The following STX8 variants were observed in gnomAD, a reference collection of about 807,000 sequenced individuals.
STX8 encodes the protein syntaxin-8.
Under a neutral mutation model 37.5 loss-of-function variants are expected in STX8, and 23 were observed. That is an observed-to-expected ratio of 0.61 (90% CI 0.44 to 0.87). STX8 has a LOEUF of 0.87. Among genes scored for constraint, STX8 ranks in the 40% least tolerant of loss-of-function variants. The probability of loss-of-function intolerance (pLI) is 0.00; values close to 1 mark genes in which losing one functional copy is unlikely to be tolerated. For synonymous variants in STX8, 115 were observed against 99.1 expected, an observed-to-expected ratio of 1.16 and a Z score of -0.95; for missense variants, 313 against 284.7, an observed-to-expected ratio of 1.10 and a Z score of -0.71.
chr17:9,352,397 T>C (rs1157871515), intron 7 of STX8, among the ~76,000 whole-genome samples: 3 of 151,060 alleles, frequency 2.0e-5, no homozygotes, highest in Non-Finnish European at 4.4e-5. Flanking sequence ...AAGCTGTTTT[T>C]CTAATTTTAT....
At chr17:9,537,680 C>G (rs1049497463) in intron 4 of STX8, among the ~76,000 whole-genome samples, 1 of 152,168 alleles carries the variant, frequency 6.6e-6, no homozygotes, top group South Asian at 2.1e-4. Flanking sequence ...CATGAAGACG[C>G]TCATTCATTG....
intron 7 of STX8, among the ~76,000 whole-genome samples, chr17:9,356,485 C>T (rs1340205533): frequency 6.6e-6 from 1 of 152,156 alleles, no homozygotes; most frequent in Non-Finnish European, 1.5e-5. Flanking sequence ...CTGGTGTCTG[C>T]CAGCTCCACA....
At chr17:9,452,802 TG>T (rs1382893468) in intron 6 of STX8, among the ~76,000 whole-genome samples, 2 of 135,418 alleles carry the variant, frequency 1.5e-5, no homozygotes, top group East Asian at 3.8e-4. Flanking sequence ...GGATGGCCCT[TG>T]TTTTTTTTTC....
At chr17:9,311,678 A>G (rs1488121321) in intron 7 of STX8, among the ~76,000 whole-genome samples, 2 of 152,162 alleles carry the variant, frequency 1.3e-5, no homozygotes, top group Non-Finnish European at 2.9e-5. Flanking sequence ...GCCTTGGGTA[A>G]ATCACTGAAC....
chr17:9,346,953 C>A (rs1001033700), intron 7 of STX8, among the ~76,000 whole-genome samples: 1 of 152,064 alleles, frequency 6.6e-6, no homozygotes, highest in Non-Finnish European at 1.5e-5. Context: ...CATGGAGAAA[C>A]CCCGTCTCTA....
chr17:9,441,955 C>T lies in STX8; in HGVS notation c.541+49874G>A, dbSNP rs1489850304. On this transcript the variant is annotated intron_variant, in intron 6 of 7. Coordinates refer to ENST00000306357, the MANE Select transcript of STX8 (RefSeq NM_004853.3). ...CTCCCAAAGTGCTGGGATTACATAC[C>T]GCGCCTGGCACCATGGCTTTGATTA... Among the ~76,000 whole-genome samples the T allele has an allele frequency of 4.0e-5, 6 of 151,852 alleles. No individual in the cohort carries two copies. The East Asian group carries it at 5.8e-4, about 15-fold the overall frequency.
intron 7 of STX8, among the ~76,000 whole-genome samples, chr17:9,377,555 T>G (rs1911642286): frequency 6.6e-6 from 1 of 152,152 alleles, no homozygotes; most frequent in Admixed American, 6.5e-5. Context: ...ACTGCAACCT[T>G]CAAGCAATTC....
intron 6 of STX8, chr17:9,469,747 C>A (rs560953480): frequency 2.0e-5 from 3 of 152,146 alleles, no homozygotes; most frequent in Admixed American, 2.0e-4. Context: ...TTCACCTTAT[C>A]GTCACCCCTA....
intron 7 of STX8, among the ~76,000 whole-genome samples, chr17:9,304,700 C>G (rs914815124): frequency 1.3e-5 from 2 of 151,902 alleles, no homozygotes; most frequent in Non-Finnish European, 2.9e-5. Context: ...CAAAATCCCA[C>G]AAGCTGAGTG....
intron 7 of STX8, among the ~76,000 whole-genome samples, chr17:9,340,591 G>A (rs1910315024): frequency 6.6e-6 from 1 of 150,976 alleles, no homozygotes; most frequent in African/African-American, 2.4e-5. Flanking sequence ...TATCTTGAAA[G>A]GCAGGCTTTG....
At chr17:9,340,649 A>ATTTTTTTTTTTTTTTTT (rs66679333) in intron 7 of STX8, among the ~76,000 whole-genome samples, 1 of 62,112 alleles carries the variant, frequency 1.6e-5, no homozygotes, top group Non-Finnish European at 2.7e-5. Context: ...GTTGCACTTG[A>ATTTTTTTTTTTTTTTTT]TTTTTTTTTT....
intron 7 of STX8, among the ~76,000 whole-genome samples, chr17:9,375,649 GAT>G (rs377599088): frequency 6.6e-6 from 1 of 152,132 alleles, no homozygotes; most frequent in African/African-American, 2.4e-5. Flanking sequence ...GGTTTTAAGT[GAT>G]ATATATATGT....
intron 4 of STX8, among the ~76,000 whole-genome samples, chr17:9,506,814 G>A (rs1011249505): frequency 6.6e-6 from 1 of 151,990 alleles, no homozygotes; most frequent in Non-Finnish European, 1.5e-5. Flanking sequence ...CCCACTCCAT[G>A]AGCCAAGTTA....
chr17:9,317,771 G>GA (rs201309652), intron 7 of STX8, among the ~76,000 whole-genome samples: 3,515 of 91,910 alleles, frequency 0.038, 116 homozygotes, highest in African/African-American at 0.13. Context: ...CTCAGAAAAA[G>GA]AAAAAAAAAA....
intron 3 of STX8, 36 bp from the exon 4 acceptor site, chr17:9,545,318 A>C (rs1906459408): frequency 6.8e-7 from 1 of 1,465,868 alleles, no homozygotes; most frequent in Non-Finnish European, 9.5e-7. Flanking sequence ...TGGTGAATAA[A>C]TGACCTCGTT....
intron 6 of STX8, among the ~76,000 whole-genome samples, chr17:9,415,463 A>G (rs1206039490): frequency 2.0e-5 from 3 of 152,042 alleles, no homozygotes; most frequent in Non-Finnish European, 2.9e-5. Flanking sequence ...ACCCTGGGAC[A>G]TGACTGTTAC....
intron 7 of STX8, among the ~76,000 whole-genome samples, chr17:9,351,176 C>CT (rs71135970): frequency 0.093 from 9,302 of 99,886 alleles, 724 homozygotes; most frequent in Non-Finnish European, 0.11. Flanking sequence ...ATTTCCTTGT[C>CT]TTTTTTTTTT....
In STX8 at chr17:9,415,949, G is replaced by A. The variant is rs114854362; in HGVS notation, c.542-37296C>T. ...CCTTCTTCTTTTGGAGTTTTCTCAC[G>A]TCTTTGCCCTGGCTGCTCTTGCTTG... On this transcript the variant is annotated intron_variant, in intron 6 of 7. Transcript: ENST00000306357. Among the ~76,000 whole-genome samples, 924 of 152,158 alleles carry A rather than the reference G, an allele frequency of 6.1e-3. 8 individuals carry two copies. The highest frequency in any genetic ancestry group is 0.021 in the African/African-American group (876 of 41,484).
chr17:9,565,386 C>T (rs1038077117), intron 2 of STX8, among the ~76,000 whole-genome samples: 3 of 152,002 alleles, frequency 2.0e-5, no homozygotes, highest in African/African-American at 7.2e-5. Context: ...GAGGCCGAGG[C>T]GGGCAGATCA....
Sources: allele counts gnomAD v4.1 joint callset (sites outside exome capture counted in the v4.1 genomes callset), GRCh38; gene constraint gnomAD v4.1.1; transcripts MANE v1.5; gene names NCBI Gene and HGNC (gene_info 2026-07-23, HGNC 2026-07-21).